BRWD3: variants seen among roughly 807,000 people sequenced by gnomAD.
BRWD3 encodes bromodomain and WD repeat-containing protein 3.
Under a neutral mutation model 149.7 loss-of-function variants are expected in BRWD3, and 10 were observed. The observed-to-expected ratio is 0.07, with a 90% confidence interval of 0.04 to 0.11. The LOEUF (loss-of-function observed/expected upper bound fraction) is 0.11. Ranked by LOEUF, BRWD3 falls within the 10% of genes least tolerant of loss-of-function variation. The pLI, the probability that BRWD3 is intolerant of heterozygous loss-of-function variation, is 1.00. For synonymous variants in BRWD3, 504 were observed against 456.7 expected (o/e 1.10, Z -1.32); for missense variants, 940 against 1,373.2 (o/e 0.68, Z 4.99).
rs901133912 is a variant in BRWD3 at position 80,674,266 on chromosome X, C to A, written c.*2343G>T. The A allele has an allele frequency of 9.0e-6, 1 of 111,417 alleles. No individual in the cohort carries two copies. The highest frequency in any genetic ancestry group is 1.9e-5 in the Non-Finnish European group (1 of 52,947). 9.2% of individuals were successfully genotyped at this position (111,417 alleles called of 1,213,427 possible). A position where few individuals can be genotyped will look rare whatever the true frequency, so the allele number is the denominator to read the frequency against. ...TCTTCAGCCTTATTATTCTAATTATCTAATTCTAGAAAATCTTGACATTTG... is the reference window on the plus strand; with the variant it reads ...TCTTCAGCCTTATTATTCTAATTATATAATTCTAGAAAATCTTGACATTTG... On this transcript the variant is annotated 3_prime_UTR_variant, in exon 41 of 41. Transcript: ENST00000373275.
chrX:80,806,139 C>G (rs2074346488), intron 4 of BRWD3, among the ~76,000 whole-genome samples: 1 of 111,295 alleles, frequency 9.0e-6, no homozygotes, highest in Non-Finnish European at 1.9e-5. Context: ...CCCATCTTCT[C>G]TTACAAAGAA....
At chrX:80,732,841 C>T (rs1426023443) in intron 12 of BRWD3, among the ~76,000 whole-genome samples, 2 of 111,750 alleles carry the variant, frequency 1.8e-5, no homozygotes, top group Non-Finnish European at 3.8e-5. Flanking sequence ...CTAAAGATTT[C>T]TATAAAGAAC....
intron 20 of BRWD3, among the ~76,000 whole-genome samples, chrX:80,713,886 G>C (rs540936730): frequency 9.0e-6 from 1 of 111,546 alleles, no homozygotes; most frequent in South Asian, 3.7e-4. Flanking sequence ...ACAAACCATA[G>C]AGTCCCATCA....
At chrX:80,699,389 A>G (rs2072747952) in intron 25 of BRWD3, among the ~76,000 whole-genome samples, 1 of 111,002 alleles carries the variant, frequency 9.0e-6, no homozygotes, top group African/African-American at 3.3e-5. Flanking sequence ...ATGGTGGTGT[A>G]TGTATACCTA....
chrX:80,689,197 AT>A (rs2072577856), intron 33 of BRWD3, among the ~76,000 whole-genome samples: 1 of 111,240 alleles, frequency 9.0e-6, no homozygotes. Flanking sequence ...TGTTTCTATC[AT>A]AACCTCCAGT....
chrX:80,802,833 C>T (rs1350389947), intron 4 of BRWD3, among the ~76,000 whole-genome samples: 2 of 110,713 alleles, frequency 1.8e-5, no homozygotes, highest in Non-Finnish European at 3.8e-5. Context: ...AGGCCAGGTG[C>T]GGTGGCTCAC....
intron 4 of BRWD3, among the ~76,000 whole-genome samples, chrX:80,801,400 T>A (rs911488576): frequency 7.5e-5 from 8 of 106,706 alleles, no homozygotes; most frequent in African/African-American, 2.7e-4. Flanking sequence ...GTATTTTTAG[T>A]AGAGACAGGG....
chrX:80,792,943 C>T (rs1363383197), intron 5 of BRWD3, among the ~76,000 whole-genome samples: 2 of 109,103 alleles, frequency 1.8e-5, no homozygotes, highest in Non-Finnish European at 3.8e-5. Context: ...GCAGGCGGAT[C>T]ACGAGGTCAA....
intron 6 of BRWD3, among the ~76,000 whole-genome samples, chrX:80,752,203 G>T (rs73227314): frequency 0.27 from 28,520 of 107,199 alleles, 2,888 homozygotes; most frequent in South Asian, 0.62. Flanking sequence ...TTTTAGAGAT[G>T]GGGTCTCTCT....
chrX:80,800,246 G>T (rs1295033651), intron 4 of BRWD3, among the ~76,000 whole-genome samples: 1 of 103,484 alleles, frequency 9.7e-6, no homozygotes, highest in Non-Finnish European at 2.0e-5. Context: ...TTATTAAGAA[G>T]GGCTTCTTTT....
intron 5 of BRWD3, among the ~76,000 whole-genome samples, chrX:80,793,357 T>C (rs2074203771): frequency 9.1e-6 from 1 of 109,999 alleles, no homozygotes; most frequent in African/African-American, 3.3e-5. Flanking sequence ...TATACTGTAT[T>C]AATCAAAGCA....
At chrX:80,711,257 C>A (rs2072963511) in intron 20 of BRWD3, among the ~76,000 whole-genome samples, 1 of 111,477 alleles carries the variant, frequency 9.0e-6, no homozygotes. Context: ...TCTTTTATTT[C>A]TCTTGCCCAA....
chrX:80,728,813 A>C lies in BRWD3; in HGVS notation c.1325T>G (p.Val442Gly). ...CCACACTTTCAAAAGAAAATTGTTC[A>C]CTGCAGTAATAACTGTGGTATCATA... ...DRYDTTVITA[V>G]NNFLLKVWNS... Residue 442 changes from valine (V) to glycine (G), a missense_variant, in exon 14 of 41, where the codon GTG becomes GGG. By Grantham distance (109) the Val-to-Gly change is moderately radical (BLOSUM62 -3). Coordinates refer to ENST00000373275, the MANE Select transcript of BRWD3 (RefSeq NM_153252.5). The C allele has an allele frequency of 8.3e-7, 1 of 1,204,935 alleles. No individual in the cohort carries two copies. Among genetic ancestry groups the C allele is most frequent in the Non-Finnish European group, 1.1e-6 (1 of 889,436 alleles).
chrX:80,802,439 T>A (rs780652151), intron 4 of BRWD3, among the ~76,000 whole-genome samples: 66 of 57,033 alleles, frequency 1.2e-3, no homozygotes, highest in African/African-American at 4.9e-3. Flanking sequence ...AAGACTCTCA[T>A]CTTAAAAAAA....
chrX:80,765,822 T>G (rs2073852577), intron 6 of BRWD3, among the ~76,000 whole-genome samples: 1 of 112,086 alleles, frequency 8.9e-6, no homozygotes, highest in Non-Finnish European at 1.9e-5. Flanking sequence ...AGAGGTCTAA[T>G]GTATTTCAGT....
intron 21 of BRWD3, among the ~76,000 whole-genome samples, chrX:80,707,912 G>A (rs989928593): frequency 3.6e-5 from 4 of 111,245 alleles, no homozygotes; most frequent in Non-Finnish European, 3.8e-5. Flanking sequence ...TAGATAACCC[G>A]TGTACACAAT....
chrX:80,797,796 A>G (rs2074253560), intron 4 of BRWD3, among the ~76,000 whole-genome samples: 2 of 111,788 alleles, frequency 1.8e-5, no homozygotes, highest in Non-Finnish European at 1.9e-5. Flanking sequence ...TCTAAAATCA[A>G]TAAAAATTTG....
intron 13 of BRWD3, 142 bp from the exon 14 acceptor site, chrX:80,729,047 T>C (rs1369497954): frequency 4.0e-6 from 2 of 506,324 alleles, no homozygotes; most frequent in African/African-American, 4.8e-5. Flanking sequence ...TAAGTATTCA[T>C]GAAAGAAAAA....
intron 6 of BRWD3, among the ~76,000 whole-genome samples, chrX:80,770,730 T>C (rs1249695737): frequency 2.7e-5 from 3 of 111,744 alleles, no homozygotes; most frequent in Non-Finnish European, 5.6e-5. Context: ...CTATTCACCA[T>C]AGTGTTGGAA....
Sources: gnomAD v4.1 joint callset for allele counts (sites outside exome capture counted in the v4.1 genomes callset) on GRCh38, gnomAD v4.1.1 for gene constraint, MANE v1.5 for transcripts, NCBI Gene and HGNC (gene_info 2026-07-23, HGNC 2026-07-21) for gene names.